SELENOO: variants seen among roughly 807,000 people sequenced by gnomAD.
The protein encoded by SELENOO is selenoprotein O, also known as protein adenylyltransferase SelO, mitochondrial.
In SELENOO, 74 loss-of-function variants were observed where a neutral mutation model predicts 58.7. The ratio of observed to expected loss-of-function variants is 1.26; its 90% confidence interval spans 1.04 to 1.53. SELENOO has a LOEUF of 1.53. SELENOO is among the 40% of genes most tolerant of loss of function. The pLI, the probability that SELENOO is intolerant of heterozygous loss-of-function variation, is 0.00. For synonymous variants in SELENOO, 543 were observed against 453.2 expected, an observed-to-expected ratio of 1.20 and a Z score of -2.52; for missense variants, 1,149 against 970.0, an observed-to-expected ratio of 1.18 and a Z score of -2.45.
At position 50,210,116 on chromosome 22, in the gene SELENOO, T is replaced by C. The variant is rs2064357774; in HGVS notation, c.940-65T>C. On this transcript the variant is annotated intron_variant, in intron 3 of 8. Transcript: ENST00000380903. The stretch of plus-strand genomic sequence containing the variant: ...CAGCCGGTTTCAGGGAGGGGAAGGA[T>C]GGACACGAGTGGGGAGGTCTGGGCA... The C allele has an allele frequency of 3.2e-6, 5 of 1,566,420 alleles. No homozygotes were observed. The South Asian group carries it at 5.7e-5, about 18-fold the overall frequency.
In SELENOO at chr22:50,210,325, G is replaced by A. The variant is rs751049630; in HGVS notation, c.1070+14G>A. On this transcript the variant is annotated intron_variant, in intron 4 of 8. Transcript: ENST00000380903. ...CTTCCTGGACAGGTAAGTGGCCCTGGGGCCCAGCAAAGTGCAGGCCCCAGG... is the reference window on the plus strand; with the variant it reads ...CTTCCTGGACAGGTAAGTGGCCCTGAGGCCCAGCAAAGTGCAGGCCCCAGG... 5 of 1,612,372 alleles carry A rather than the reference G, an allele frequency of 3.1e-6. No homozygotes were observed. In the South Asian group the frequency reaches 4.4e-5, roughly 14 times the overall value.
At chr22:50,215,982 C>G (rs2064406524) in intron 6 of SELENOO, 115 bp downstream of exon 6, 1 of 891,866 alleles carries the variant, frequency 1.1e-6, no homozygotes, top group East Asian at 2.6e-5. Context: ...GGTGGCTGCT[C>G]CGCTCCCAGG....
intron 5 of SELENOO, among the ~76,000 whole-genome samples, chr22:50,214,360 C>A (rs1436685545): frequency 1.3e-5 from 2 of 152,238 alleles, no homozygotes; most frequent in Non-Finnish European, 2.9e-5. Flanking sequence ...TGGCTCATGC[C>A]TGTAATCCCA....
chr22:50,208,070 C>G (rs1431773977), intron 2 of SELENOO, among the ~76,000 whole-genome samples: 1 of 151,694 alleles, frequency 6.6e-6, no homozygotes, highest in African/African-American at 2.4e-5. Context: ...AGCTGTGGTG[C>G]ATTCTGGTTG....
intron 5 of SELENOO, among the ~76,000 whole-genome samples, chr22:50,214,694 G>A (rs1232070022): frequency 6.6e-6 from 1 of 152,228 alleles, no homozygotes; most frequent in Non-Finnish European, 1.5e-5. Context: ...GAACCCAGGA[G>A]GCGGAGGTTG....
At chr22:50,214,610 CAA>C in intron 5 of SELENOO, among the ~76,000 whole-genome samples, 1 of 151,290 alleles carries the variant, frequency 6.6e-6, no homozygotes, top group Non-Finnish European at 1.5e-5. Context: ...TCTCAAAAAA[CAA>C]AAATTAGCCA....
At chr22:50,206,562 T>TA in intron 2 of SELENOO, 42 bp downstream of exon 2, 3 of 1,538,988 alleles carry the variant, frequency 1.9e-6, no homozygotes, top group Admixed American at 3.7e-5. Flanking sequence ...CGCACTTGCT[T>TA]AGAGTCCTAG....
At position 50,215,820 on chromosome 22, in the gene SELENOO, C is replaced by T. The variant is rs1410870012; in HGVS notation, c.1455C>T (p.Ala485=). The T allele has an allele frequency of 6.2e-7, 1 of 1,612,640 alleles. No homozygotes were observed. Among genetic ancestry groups the T allele is most frequent in the South Asian group, 1.1e-5 (1 of 91,040 alleles). Residue 485 remains alanine (A), a synonymous_variant, in exon 6 of 9, where the codon GCC becomes GCT. Transcript: ENST00000380903. ...EFLARLMEQC[A]SLEELRLAFR... Reference sequence around the variant, plus strand: ...TGGCCAGGCTGATGGAGCAGTGTGCCTCCCTGGAGGAGCTGAGGCTGGCCT... The same window carrying T: ...TGGCCAGGCTGATGGAGCAGTGTGCTTCCCTGGAGGAGCTGAGGCTGGCCT...
Position 50,217,119 on chromosome 22 carries a change from C to T in SELENOO, c.1836C>T (p.Asp612=). 1 of 1,612,928 alleles carries T rather than the reference C, an allele frequency of 6.2e-7. No individual in the cohort carries two copies. Among genetic ancestry groups the T allele is most frequent in the Admixed American group, 1.7e-5 (1 of 60,002 alleles). Residue 612 remains aspartate (D), a synonymous_variant, in exon 8 of 9, where the codon GAC becomes GAT. Transcript: ENST00000380903. The part of the protein sequence containing the change: ...QNAIEAAERG[D]FSEVRRVLKL... Reference sequence around the variant, plus strand: ...CCATCGAGGCTGCCGAGCGCGGGGACTTCTCAGAGGCAAGCACACGCCTGT... The same window carrying T: ...CCATCGAGGCTGCCGAGCGCGGGGATTTCTCAGAGGCAAGCACACGCCTGT...
chr22:50,203,991 C>T (rs965690323), intron 1 of SELENOO, among the ~76,000 whole-genome samples: 1 of 151,970 alleles, frequency 6.6e-6, no homozygotes, highest in Non-Finnish European at 1.5e-5. Context: ...CAAAACTCAG[C>T]AACAGGAAAA....
rs1307437202 is a variant in SELENOO at position 50,217,354 on chromosome 22, G to A, written c.1995G>A (p.Val665=). Residue 665 remains valine (V), a synonymous_variant, in exon 9 of 9, where the codon GTG becomes GTA. Coordinates refer to ENST00000380903, the MANE Select transcript of SELENOO (RefSeq NM_031454.2). ...KPPLWAAELC[V]TUSS Reference sequence around the variant, plus strand: ...CGCTCTGGGCAGCAGAACTGTGCGTGACATGATCTTCGTAACGGCCTCGGC... The same window carrying A: ...CGCTCTGGGCAGCAGAACTGTGCGTAACATGATCTTCGTAACGGCCTCGGC... The A allele has an allele frequency of 2.5e-6, 4 of 1,612,800 alleles. No homozygotes were observed.
Position 50,210,328 on chromosome 22 carries a change from C to T in SELENOO, c.1070+17C>T, listed in dbSNP as rs1219100382. 1.4e-5 allele frequency: 23 copies of T among 1,611,906 alleles called. No homozygotes were observed. Among genetic ancestry groups the T allele is most frequent in the Non-Finnish European group, 1.9e-5 (23 of 1,179,500 alleles). ...CCTGGACAGGTAAGTGGCCCTGGGG[C>T]CCAGCAAAGTGCAGGCCCCAGGGCT... On this transcript the variant is annotated intron_variant, in intron 4 of 8. Transcript: ENST00000380903.
intron 4 of SELENOO, 99 bp downstream of exon 4, chr22:50,210,410 A>G: frequency 6.7e-7 from 1 of 1,485,024 alleles, no homozygotes; most frequent in Non-Finnish European, 9.1e-7. Flanking sequence ...GTGATGCTTG[A>G]GGGGGAGCCG....
At chr22:50,210,580 C>T in intron 4 of SELENOO, 51 bp from the exon 5 acceptor site, 2 of 1,611,080 alleles carry the variant, frequency 1.2e-6, no homozygotes. Flanking sequence ...TGCACCATCT[C>T]CCGGGAACTT....
rs1170089198 is a variant in SELENOO, at chr22:50,201,040, G to A, written c.4G>A (p.Ala2Thr). MAVYRAALGASL... is the reference protein window; with the variant it reads MTVYRAALGASL... ...TCCGGCGGGAGCGGGGCCGCGGATG[G>A]CCGTATACAGGGCAGCGCTCGGGGC... The change falls in exon 1 of 9, where the codon GCC becomes ACC. Residue 2 changes from alanine to threonine, a missense_variant. Transcript: ENST00000380903. 1 of 1,306,366 alleles carries A rather than the reference G, an allele frequency of 7.7e-7. No homozygotes were observed. Among genetic ancestry groups the A allele is most frequent in the Non-Finnish European group, 9.7e-7 (1 of 1,029,196 alleles). 80.9% of individuals were successfully genotyped at this position (1,306,366 alleles called of 1,614,324 possible).
At chr22:50,202,824 C>T (rs1250166186) in intron 1 of SELENOO, among the ~76,000 whole-genome samples, 1 of 152,188 alleles carries the variant, frequency 6.6e-6, no homozygotes, top group Non-Finnish European at 1.5e-5. Flanking sequence ...CCACACGTGT[C>T]CTGGGGTCCC....
chr22:50,204,970 A>G (rs1308782265), intron 1 of SELENOO, among the ~76,000 whole-genome samples: 2 of 152,276 alleles, frequency 1.3e-5, no homozygotes, highest in Non-Finnish European at 1.5e-5. Context: ...GACGTGGTGC[A>G]GTGAAATAAG....
rs2064303065 is a variant in SELENOO at position 50,201,736 on chromosome 22, C to T, written c.554+146C>T. ...CGCGGGAGCGCGGTGCTGGCAGCCG[C>T]CCGCGCCCTGTGCTTATCAACCCGC... On this transcript the variant is annotated intron_variant, in intron 1 of 8. Coordinates refer to ENST00000380903, the MANE Select transcript of SELENOO (RefSeq NM_031454.2). 5 of 514,860 alleles carry T rather than the reference C, an allele frequency of 9.7e-6. No individual in the cohort carries two copies. In the South Asian group the frequency reaches 4.6e-4, roughly 47 times the overall value. The allele number at this position is 514,860 out of a possible 1,614,324, so 31.9% of individuals were successfully genotyped here.
chr22:50,215,719 G>A lies in SELENOO; in HGVS notation c.1354G>A (p.Ala452Thr). The change falls in exon 6 of 9, where the codon GCC becomes ACC. Residue 452 changes from alanine (A) to threonine (T), a missense_variant and splice_region_variant. Transcript: ENST00000380903. ...KLLETMHLTG[A>T]DFTNTFYLLS... ...TCCCTGAGCAGCCTGTGTTCCAGGT[G>A]CCGACTTCACAAACACCTTCTACTT... 1 of 1,589,836 alleles carries A rather than the reference G, an allele frequency of 6.3e-7. No homozygotes were observed. The highest frequency in any genetic ancestry group is 1.1e-5 in the South Asian group (1 of 90,120).
Sources: allele counts gnomAD v4.1 joint callset (sites outside exome capture counted in the v4.1 genomes callset), GRCh38; gene constraint gnomAD v4.1.1; transcripts MANE v1.5; gene names NCBI Gene and HGNC (gene_info 2026-07-23, HGNC 2026-07-21).